MYT1L: variants seen among roughly 807,000 people sequenced by gnomAD.
MYT1L encodes the protein myelin transcription factor 1 like, also known as myelin transcription factor 1-like protein.
MYT1L carries 12 observed loss-of-function variants against 126.7 expected under a neutral mutation model. That is an observed-to-expected ratio of 0.09 (90% CI 0.06 to 0.15). The LOEUF (loss-of-function observed/expected upper bound fraction) is 0.15. Among genes scored for constraint, MYT1L ranks in the 10% least tolerant of loss-of-function variants. MYT1L has a pLI of 1.00. For missense variants in MYT1L, 979 were observed against 1,585.2 expected (o/e 0.62, Z 6.49); for synonymous variants, 541 against 604.2 (o/e 0.90, Z 1.53).
chr2:2,279,524 G>T (rs1422057152), intron 2 of MYT1L, among the ~76,000 whole-genome samples: 1 of 146,520 alleles, frequency 6.8e-6, no homozygotes, highest in African/African-American at 2.5e-5. Context: ...GAAAGAGGGA[G>T]GGAAGGAGGA....
intron 1 of MYT1L, among the ~76,000 whole-genome samples, chr2:2,318,160 T>C (rs530359255): frequency 3.5e-4 from 53 of 152,216 alleles, no homozygotes; most frequent in Non-Finnish European, 6.0e-4. Flanking sequence ...AAGCATGAAA[T>C]TTACACTATC....
intron 14 of MYT1L, among the ~76,000 whole-genome samples, chr2:1,892,656 T>C (rs934107969): frequency 1.3e-5 from 2 of 151,968 alleles, no homozygotes; most frequent in African/African-American, 4.8e-5. Flanking sequence ...GGGAAGTGAC[T>C]GGGAATTCCA....
At chr2:1,871,911 G>T (rs922493975) in intron 18 of MYT1L, among the ~76,000 whole-genome samples, 10 of 152,112 alleles carry the variant, frequency 6.6e-5, no homozygotes, top group African/African-American at 1.4e-4. Flanking sequence ...TGCAACAGAG[G>T]TCATCGCTGA....
Position 1,979,312 on chromosome 2 carries a change from C to A in MYT1L, c.90-85G>T. Reference sequence around the variant, plus strand: ...TCCGTGGCAGCAGAGAGAAGGAGGGCGGCTCAGACAGAGGAGAGAAATCAC... The same window carrying A: ...TCCGTGGCAGCAGAGAGAAGGAGGGAGGCTCAGACAGAGGAGAGAAATCAC... On this transcript the variant is annotated intron_variant, in intron 7 of 24. Coordinates refer to ENST00000647738, the MANE Select transcript of MYT1L (RefSeq NM_001303052.2). This position sits in a 1 kb window ranked among gnomAD's most constrained non-coding sequence, Gnocchi z 4.0. 3.1e-6 allele frequency: 4 copies of A among 1,291,774 alleles called. No individual in the cohort carries two copies. The highest frequency in any genetic ancestry group is 1.5e-5 in the African/African-American group (1 of 68,228). 80.0% of individuals were successfully genotyped at this position (1,291,774 alleles called of 1,614,324 possible). A position where few individuals can be genotyped will look rare whatever the true frequency, so the allele number is the denominator to read the frequency against.
intron 3 of MYT1L, among the ~76,000 whole-genome samples, chr2:2,127,339 G>A (rs1047799382): frequency 6.6e-6 from 1 of 152,184 alleles, no homozygotes; most frequent in African/African-American, 2.4e-5. Flanking sequence ...TAGCCAAAGA[G>A]CCTCCTCGGT....
At chr2:1,834,390 G>T (rs2040555668) in intron 21 of MYT1L, among the ~76,000 whole-genome samples, 1 of 152,156 alleles carries the variant, frequency 6.6e-6, no homozygotes, top group South Asian at 2.1e-4. Context: ...TTCTTGCTGG[G>T]TATTCATATT....
chr2:1,889,586 A>G lies in MYT1L; in HGVS notation c.2284-109T>C. The G allele has an allele frequency of 1.2e-6, 1 of 812,344 alleles. No homozygotes were observed. The highest frequency in any genetic ancestry group is 1.8e-6 in the Non-Finnish European group (1 of 542,044). The allele number at this position is 812,344 out of a possible 1,614,324, so 50.3% of individuals were successfully genotyped here. A position where few individuals can be genotyped will look rare whatever the true frequency, so the allele number is the denominator to read the frequency against. ...CGTCAGCCAGTGTAGCGTTCAACAC[A>G]GAATCCCTCGCTGCTGTTTCCTTGG... On this transcript the variant is annotated intron_variant, in intron 15 of 24. Transcript: ENST00000647738. The surrounding 1 kb of genome is among the most constrained non-coding windows in gnomAD (Gnocchi z 4.1).
chr2:1,960,206 G>C (rs946603055), intron 8 of MYT1L, among the ~76,000 whole-genome samples: 1 of 152,156 alleles, frequency 6.6e-6, no homozygotes, highest in African/African-American at 2.4e-5. Flanking sequence ...TGCAGAAAAA[G>C]GATATGGCCT....
At chr2:1,802,571 T>A (rs2035043511) in intron 22 of MYT1L, among the ~76,000 whole-genome samples, 1 of 152,208 alleles carries the variant, frequency 6.6e-6, no homozygotes, top group African/African-American at 2.4e-5. Flanking sequence ...CATCTGAGTG[T>A]CCCTGGTGGG....
chr2:2,027,315 G>C (rs1574632921), intron 4 of MYT1L, among the ~76,000 whole-genome samples: 2 of 152,302 alleles, frequency 1.3e-5, no homozygotes, highest in South Asian at 2.1e-4. Flanking sequence ...TGCACGTGGA[G>C]CACCCTACTC....
intron 4 of MYT1L, among the ~76,000 whole-genome samples, chr2:2,037,133 C>A (rs2066946248): frequency 6.6e-6 from 1 of 152,228 alleles, no homozygotes; most frequent in Non-Finnish European, 1.5e-5. Context: ...AGTTCCAAAT[C>A]ACTCCACTTA....
At chr2:1,800,540 T>C (rs1030727114) in intron 23 of MYT1L, among the ~76,000 whole-genome samples, 3 of 152,078 alleles carry the variant, frequency 2.0e-5, no homozygotes, top group African/African-American at 7.2e-5. Context: ...GAAATCCCTT[T>C]CGGTTGCTTG....
chr2:2,119,418 T>C (rs571480180), intron 3 of MYT1L, among the ~76,000 whole-genome samples: 76 of 152,296 alleles, frequency 5.0e-4, no homozygotes, highest in African/African-American at 1.7e-3. Flanking sequence ...CCAAAAGTAA[T>C]TAAGGGAAAA....
chr2:2,261,197 A>T (rs760660486), intron 2 of MYT1L, among the ~76,000 whole-genome samples: 35 of 151,996 alleles, frequency 2.3e-4, no homozygotes, highest in Admixed American at 1.3e-3. Flanking sequence ...TCTACAATAG[A>T]ATCTCCAACT....
intron 3 of MYT1L, among the ~76,000 whole-genome samples, chr2:2,125,703 A>G (rs2081597914): frequency 6.6e-6 from 1 of 152,248 alleles, no homozygotes; most frequent in African/African-American, 2.4e-5. Flanking sequence ...GTATAGTGCA[A>G]TGGCATTCTT....
chr2:2,145,208 G>T (rs2148226847), intron 3 of MYT1L, among the ~76,000 whole-genome samples: 1 of 152,302 alleles, frequency 6.6e-6, no homozygotes, highest in Admixed American at 6.5e-5. Flanking sequence ...TGGCCTCATT[G>T]TCTGTGTACG....
chr2:2,051,206 C>A (rs1235222128), intron 4 of MYT1L, among the ~76,000 whole-genome samples: 2 of 152,192 alleles, frequency 1.3e-5, no homozygotes, highest in Admixed American at 6.5e-5. Context: ...TGCAGCTGTA[C>A]GTGACAACTG....
At chr2:2,218,801 A>G (rs2093768146) in intron 2 of MYT1L, among the ~76,000 whole-genome samples, 1 of 152,196 alleles carries the variant, frequency 6.6e-6, no homozygotes, top group Non-Finnish European at 1.5e-5. Flanking sequence ...TCTTGTCCAG[A>G]TTCTACCCTC....
At chr2:2,032,164 C>T (rs1008470787) in intron 4 of MYT1L, among the ~76,000 whole-genome samples, 4 of 115,684 alleles carry the variant, frequency 3.5e-5, no homozygotes, top group East Asian at 2.9e-4. Flanking sequence ...TACACACACC[C>T]GTTGCCAGTG....
Sources: allele counts gnomAD v4.1 joint callset (sites outside exome capture counted in the v4.1 genomes callset), GRCh38; gene constraint gnomAD v4.1.1; non-coding constraint Gnocchi (gnomAD v3.1); transcripts MANE v1.5; gene names NCBI Gene and HGNC (gene_info 2026-07-23, HGNC 2026-07-21).